Variants in PRSS8 observed in about 807,000 individuals in gnomAD.
PRSS8 encodes serine protease 8, also known as prostasin.
In PRSS8, 11 loss-of-function variants were observed where a neutral mutation model predicts 26.7. That is an observed-to-expected ratio of 0.41 (90% CI 0.26 to 0.68). The LOEUF (loss-of-function observed/expected upper bound fraction) is 0.68. Among genes scored for constraint, PRSS8 ranks in the 30% least tolerant of loss-of-function variants. The pLI, the probability that PRSS8 is intolerant of heterozygous loss-of-function variation, is 0.30. For synonymous variants in PRSS8, 183 were observed against 187.0 expected, an observed-to-expected ratio of 0.98 and a Z score of 0.17; for missense variants, 362 against 443.5, an observed-to-expected ratio of 0.82 and a Z score of 1.65.
rs761959481 is a variant in PRSS8 at position 31,133,415 on chromosome 16, AG to A, written c.104-28del. 4.2e-5 allele frequency: 67 copies of A among 1,611,808 alleles called. 1 individual carries two copies. Among genetic ancestry groups the A allele is most frequent in the Non-Finnish European group, 2.5e-6 (3 of 1,179,608 alleles). On this transcript the variant is annotated intron_variant, in intron 2 of 5. Transcript: ENST00000317508. This position sits in a 1 kb window ranked among gnomAD's most constrained non-coding sequence, Gnocchi z 4.7. ...TGCCCAGGGAGGAAGGGAAGGGGTC[AG>A]GTTGTTAGCCTGGCCACTCCTATGC...
rs982636248 is a variant in PRSS8 at position 31,135,399 on chromosome 16, C to A, written c.85+15G>T. The A allele has an allele frequency of 1.3e-6, 2 of 1,587,262 alleles. No individual in the cohort carries two copies. Among genetic ancestry groups the A allele is most frequent in the African/African-American group, 1.3e-5 (1 of 74,122 alleles). ...CAGTGCATTGTCCCCACCCTGCCCC[C>A]ACGTCCTCACTTACCTGTCCCCGAC... On this transcript the variant is annotated intron_variant, in intron 1 of 5. Coordinates refer to ENST00000317508, the MANE Select transcript of PRSS8 (RefSeq NM_002773.5).
chr16:31,135,195 G>C, intron 1 of PRSS8, 24 bp from the exon 2 acceptor site: 3 of 1,612,670 alleles, frequency 1.9e-6, no homozygotes, highest in Non-Finnish European at 2.5e-6. Flanking sequence ...GAAAGAGGAG[G>C]GGTGAGTAGG....
At position 31,133,101 on chromosome 16, in the gene PRSS8, C is replaced by G; in HGVS notation, c.266+125G>C. 6.4e-7 allele frequency: 1 copy of G among 1,574,356 alleles called. No individual in the cohort carries two copies. Among genetic ancestry groups the G allele is most frequent in the Non-Finnish European group, 8.7e-7 (1 of 1,155,494 alleles). The stretch of plus-strand genomic sequence containing the variant: ...TAACCTCTGACCCCTCACCTTCACT[C>G]CTAACTGGTCCTTCCAGACTTAGAA... On this transcript the variant is annotated intron_variant, in intron 3 of 5. Coordinates refer to ENST00000317508, the MANE Select transcript of PRSS8 (RefSeq NM_002773.5). The surrounding 1 kb of genome is among the most constrained non-coding windows in gnomAD (Gnocchi z 4.7).
In PRSS8 at chr16:31,132,300, C is replaced by T. The variant is rs763744440; in HGVS notation, c.741G>A (p.Glu247=). 8 of 1,613,910 alleles carry T rather than the reference C, an allele frequency of 5.0e-6. No individual in the cohort carries two copies. In the Admixed American group the frequency reaches 1.0e-4, roughly 20 times the overall value. ...DSGGPLSCPV[E]GLWYLTGIVS... ...CAATGCCCGTCAGGTACCAGAGACC[C>T]TCCACAGGGCAGGAGAGTGGGCCCC... Residue 247 remains glutamate, a synonymous_variant, in exon 6 of 6, where the codon GAG becomes GAA. Coordinates refer to ENST00000317508, the MANE Select transcript of PRSS8 (RefSeq NM_002773.5). This position sits in a 1 kb window ranked among gnomAD's most constrained non-coding sequence, Gnocchi z 5.2.
chr16:31,135,366 G>A (rs1420710132), intron 1 of PRSS8, 48 bp downstream of exon 1: 23 of 1,571,746 alleles, frequency 1.5e-5, no homozygotes, highest in Non-Finnish European at 1.9e-5. Flanking sequence ...GATCACGCCG[G>A]CTCCCTCCAG....
chr16:31,132,824 C>G lies in PRSS8; in HGVS notation c.396G>C (p.Gln132His), dbSNP rs777567459. The change falls in exon 4 of 6, where the codon CAG becomes CAC. Residue 132 changes from glutamine (Q) to histidine (H), a missense_variant. Coordinates refer to ENST00000317508, the MANE Select transcript of PRSS8 (RefSeq NM_002773.5). This position sits in a 1 kb window ranked among gnomAD's most constrained non-coding sequence, Gnocchi z 5.2. The part of the protein sequence containing the change: ...PHPSYLQEGS[Q>H]GDIALLQLSR... ...TGAGTTGGAGGAGTGCAATGTCGCC[C>G]TGGGAGCCCTCCTGGAGGTAGCTGG... 3 of 1,613,908 alleles carry G rather than the reference C, an allele frequency of 1.9e-6. No individual in the cohort carries two copies. Among genetic ancestry groups the G allele is most frequent in the East Asian group, 4.5e-5 (2 of 44,874 alleles).
chr16:31,133,011 C>T lies in PRSS8; in HGVS notation c.267-58G>A. ...AGACCTCTCCTTGTTCCCCAACCCC[C>T]ACTGCCAACCCCTGATTCCGATCAG... On this transcript the variant is annotated intron_variant, in intron 3 of 5. Transcript: ENST00000317508. The surrounding 1 kb of genome is among the most constrained non-coding windows in gnomAD (Gnocchi z 4.7). The T allele has an allele frequency of 1.9e-6, 3 of 1,583,112 alleles. No individual in the cohort carries two copies. Among genetic ancestry groups the T allele is most frequent in the Non-Finnish European group, 2.6e-6 (3 of 1,166,052 alleles).
chr16:31,132,640 G>C lies in PRSS8; in HGVS notation c.538+42C>G. 1.2e-6 allele frequency: 2 copies of C among 1,613,122 alleles called. No homozygotes were observed. Among genetic ancestry groups the C allele is most frequent in the Non-Finnish European group, 1.7e-6 (2 of 1,179,214 alleles). On this transcript the variant is annotated intron_variant, in intron 4 of 5. Coordinates refer to ENST00000317508, the MANE Select transcript of PRSS8 (RefSeq NM_002773.5). This position sits in a 1 kb window ranked among gnomAD's most constrained non-coding sequence, Gnocchi z 5.2. The stretch of plus-strand genomic sequence containing the variant: ...TTACCCTGGGCCCCTCCCCAAGTCA[G>C]GTGCCCCTCCACACCTCTAGGCACC...
At position 31,133,276 on chromosome 16, in the gene PRSS8, G is replaced by A. The variant is rs1255848623; in HGVS notation, c.216C>T (p.Gly72=). Residue 72 remains glycine (G), a synonymous_variant, in exon 3 of 6, where the codon GGC becomes GGT. Transcript: ENST00000317508. This position sits in a 1 kb window ranked among gnomAD's most constrained non-coding sequence, Gnocchi z 4.7. ...ITYEGVHVCG[G]SLVSEQWVLS... Reference sequence around the variant, plus strand: ...GCACCCACTGCTCAGACACGAGAGAGCCACCACACACATGGACGCCTTCAT... The same window carrying A: ...GCACCCACTGCTCAGACACGAGAGAACCACCACACACATGGACGCCTTCAT... 1 of 1,613,978 alleles carries A rather than the reference G, an allele frequency of 6.2e-7. No individual in the cohort carries two copies. The highest frequency in any genetic ancestry group is 1.1e-5 in the South Asian group (1 of 91,084).
Position 31,133,056 on chromosome 16 carries a change from T to A in PRSS8, c.267-103A>T. The A allele has an allele frequency of 6.3e-7, 1 of 1,581,852 alleles. No homozygotes were observed. The highest frequency in any genetic ancestry group is 8.6e-7 in the Non-Finnish European group (1 of 1,163,236). ...GATCAGCCCCTTTTAGGTCTCAAATTGCACCTTAGTTTTATCATGTAACCT... is the reference window on the plus strand; with the variant it reads ...GATCAGCCCCTTTTAGGTCTCAAATAGCACCTTAGTTTTATCATGTAACCT... On this transcript the variant is annotated intron_variant, in intron 3 of 5. Coordinates refer to ENST00000317508, the MANE Select transcript of PRSS8 (RefSeq NM_002773.5). This position sits in a 1 kb window ranked among gnomAD's most constrained non-coding sequence, Gnocchi z 4.7.
chr16:31,133,045 A>G lies in PRSS8; in HGVS notation c.267-92T>C. ...CCCCTGATTCCGATCAGCCCCTTTT[A>G]GGTCTCAAATTGCACCTTAGTTTTA... On this transcript the variant is annotated intron_variant, in intron 3 of 5. Coordinates refer to ENST00000317508, the MANE Select transcript of PRSS8 (RefSeq NM_002773.5). The surrounding 1 kb of genome is among the most constrained non-coding windows in gnomAD (Gnocchi z 4.7). 2.5e-6 allele frequency: 4 copies of G among 1,584,018 alleles called. No homozygotes were observed. The highest frequency in any genetic ancestry group is 2.3e-5 in the South Asian group (2 of 88,692).
Position 31,132,980 on chromosome 16 carries a change from C to A in PRSS8, c.267-27G>T. ...TGCAGGCAGGGGGCAAAGGCTGAGA[C>A]CCAGGAGACCTCTCCTTGTTCCCCA... On this transcript the variant is annotated intron_variant, in intron 3 of 5. Transcript: ENST00000317508. The surrounding 1 kb of genome is among the most constrained non-coding windows in gnomAD (Gnocchi z 5.2). 1 of 1,590,980 alleles carries A rather than the reference C, an allele frequency of 6.3e-7. No homozygotes were observed.
chr16:31,133,695 G>A lies in PRSS8; in HGVS notation c.104-307C>T, dbSNP rs955981167. ...CTTCTTGGCTCCACGCGGTCCTTAA[G>A]ATACATTCCAGACAGACCATGGCAC... On this transcript the variant is annotated intron_variant, in intron 2 of 5. Coordinates refer to ENST00000317508, the MANE Select transcript of PRSS8 (RefSeq NM_002773.5). This position sits in a 1 kb window ranked among gnomAD's most constrained non-coding sequence, Gnocchi z 4.7. 3.3e-5 allele frequency among the ~76,000 whole-genome samples: 5 copies of A among 152,172 alleles called. No homozygotes were observed. Among genetic ancestry groups the A allele is most frequent in the Admixed American group, 2.6e-4 (4 of 15,276 alleles).
In PRSS8 at chr16:31,135,487, C is replaced by G; in HGVS notation, c.12G>C (p.Lys4Asn). 2 of 1,568,898 alleles carry G rather than the reference C, an allele frequency of 1.3e-6. No individual in the cohort carries two copies. The highest frequency in any genetic ancestry group is 2.3e-5 in the South Asian group (2 of 85,492). MAQKGVLGPGQLGA... is the reference protein window; with the variant it reads MAQNGVLGPGQLGA... ...CCAGCTGCCCAGGCCCCAGGACCCCCTTCTGGGCCATGGCCCAGGACAAGG... is the reference window on the plus strand; with the variant it reads ...CCAGCTGCCCAGGCCCCAGGACCCCGTTCTGGGCCATGGCCCAGGACAAGG... The change falls in exon 1 of 6, where the codon AAG (lysine) becomes AAC (asparagine). Residue 4 changes from lysine (K) to asparagine (N), a missense_variant. Lys to Asn is a moderately conservative substitution (Grantham distance 94, BLOSUM62 0). Coordinates refer to ENST00000317508, the MANE Select transcript of PRSS8 (RefSeq NM_002773.5).
In PRSS8 at chr16:31,131,934, G is replaced by T; in HGVS notation, c.*75C>A. Reference sequence around the variant, plus strand: ...AAGGAGTGGCTCAAGTCAGGCCCTGGGTCCAAAGGCCATCAGGGAAGGACC... The same window carrying T: ...AAGGAGTGGCTCAAGTCAGGCCCTGTGTCCAAAGGCCATCAGGGAAGGACC... On this transcript the variant is annotated 3_prime_UTR_variant, in exon 6 of 6. Transcript: ENST00000317508. 1 of 1,423,694 alleles carries T rather than the reference G, an allele frequency of 7.0e-7. No homozygotes were observed. Among genetic ancestry groups the T allele is most frequent in the South Asian group, 1.5e-5 (1 of 67,982 alleles). The allele number at this position is 1,423,694 out of a possible 1,614,324, so 88.2% of individuals were successfully genotyped here. A position where few individuals can be genotyped will look rare whatever the true frequency, so the allele number is the denominator to read the frequency against.
In PRSS8 at chr16:31,132,415, G is replaced by A. The variant is rs1178913766; in HGVS notation, c.705+14C>T. 8 of 1,613,652 alleles carry A rather than the reference G, an allele frequency of 5.0e-6. No homozygotes were observed. The highest frequency in any genetic ancestry group is 2.2e-5 in the South Asian group (2 of 91,082). The stretch of plus-strand genomic sequence containing the variant: ...AAGTTGCACTGGTCATCTGCCCCCC[G>A]GGCCTGTGCTTACCTGGCAGGCGTC... On this transcript the variant is annotated intron_variant, in intron 5 of 5. Coordinates refer to ENST00000317508, the MANE Select transcript of PRSS8 (RefSeq NM_002773.5). The surrounding 1 kb of genome is among the most constrained non-coding windows in gnomAD (Gnocchi z 5.2).
At position 31,132,414 on chromosome 16, in the gene PRSS8, C is replaced by T. The variant is rs761279035; in HGVS notation, c.705+15G>A. 1.8e-5 allele frequency: 29 copies of T among 1,613,628 alleles called. No individual in the cohort carries two copies. Among genetic ancestry groups the T allele is most frequent in the East Asian group, 1.6e-4 (7 of 44,872 alleles). On this transcript the variant is annotated intron_variant, in intron 5 of 5. Coordinates refer to ENST00000317508, the MANE Select transcript of PRSS8 (RefSeq NM_002773.5). The surrounding 1 kb of genome is among the most constrained non-coding windows in gnomAD (Gnocchi z 5.2). ...GAAGTTGCACTGGTCATCTGCCCCC[C>T]GGGCCTGTGCTTACCTGGCAGGCGT...
At position 31,132,387 on chromosome 16, in the gene PRSS8, C is replaced by A; in HGVS notation, c.705+42G>T. 6.2e-7 allele frequency: 1 copy of A among 1,613,936 alleles called. No individual in the cohort carries two copies. Among genetic ancestry groups the A allele is most frequent in the South Asian group, 1.1e-5 (1 of 91,088 alleles). ...ATCAGGACCGGGCCAGGCCTCCTTT[C>A]CGAAGTTGCACTGGTCATCTGCCCC... is the stretch of plus-strand genomic sequence containing the variant. On this transcript the variant is annotated intron_variant, in intron 5 of 5. Coordinates refer to ENST00000317508, the MANE Select transcript of PRSS8 (RefSeq NM_002773.5). The surrounding 1 kb of genome is among the most constrained non-coding windows in gnomAD (Gnocchi z 5.2).
At chr16:31,135,034 G>A in intron 2 of PRSS8, 120 bp downstream of exon 2, 1 of 1,267,116 alleles carries the variant, frequency 7.9e-7, no homozygotes. Context: ...CACTCTGGGA[G>A]CCCTAAGAGA....
Sources: allele counts gnomAD v4.1 joint callset (sites outside exome capture counted in the v4.1 genomes callset), GRCh38; gene constraint gnomAD v4.1.1; non-coding constraint Gnocchi (gnomAD v3.1); transcripts MANE v1.5; gene names NCBI Gene and HGNC (gene_info 2026-07-23, HGNC 2026-07-21).